The following LOXL3 variants were observed in gnomAD, a reference collection of about 807,000 sequenced individuals.
LOXL3 encodes lysyl oxidase like 3.
LOXL3 carries 60 observed loss-of-function variants against 91.8 expected under a neutral mutation model. The ratio of observed to expected loss-of-function variants is 0.65; its 90% CI spans 0.53 to 0.81. The LOEUF (loss-of-function observed/expected upper bound fraction) is 0.81. Ranked by LOEUF, LOXL3 falls within the 30% of genes least tolerant of loss-of-function variation. LOXL3 has a pLI of 0.00. For missense variants in LOXL3, 874 were observed against 1,000.4 expected, an observed-to-expected ratio of 0.87 and a Z score of 1.70; for synonymous variants, 355 against 387.6, an observed-to-expected ratio of 0.92 and a Z score of 0.99.
At chr2:74,551,875 C>T (rs574010449) in intron 2 of LOXL3, among the ~76,000 whole-genome samples, 1 of 152,250 alleles carries the variant, frequency 6.6e-6, no homozygotes, top group Non-Finnish European at 1.5e-5. Flanking sequence ...ACAGTACCAC[C>T]TTGTTAGTTT....
In LOXL3 at chr2:74,533,560, C is replaced by T. The variant is rs531771518; in HGVS notation, c.*46G>A. On this transcript the variant is annotated 3_prime_UTR_variant, in exon 14 of 14. Coordinates refer to ENST00000264094, the MANE Select transcript of LOXL3 (RefSeq NM_032603.5). ...CTCCTGAGGTAATGGCAGCCTCAGA[C>T]CCCTGCCATTAGGGGCCAGTGGTGG... The T allele has an allele frequency of 1.3e-6, 2 of 1,556,460 alleles. No homozygotes were observed. Among genetic ancestry groups the T allele is most frequent in the South Asian group, 2.2e-5 (2 of 89,322 alleles).
chr2:74,555,407 C>T (rs199739083), upstream of LOXL3: 14 of 1,611,398 alleles, frequency 8.7e-6, no homozygotes, highest in Non-Finnish European at 1.1e-5. The surrounding 1 kb of genome is among the most constrained non-coding windows in gnomAD (Gnocchi z 6.1). Context: ...GCCGACGCGC[C>T]GTCCAGTGCA....
rs1352260802 is a variant in LOXL3, at chr2:74,543,899, T to TA, written c.692+5469_692+5470insT. On this transcript the variant is annotated intron_variant, in intron 4 of 13. Coordinates refer to ENST00000264094, the MANE Select transcript of LOXL3 (RefSeq NM_032603.5). Reference sequence around the variant, plus strand: ...CTGGGTGACAAAGCAAGGCTCTGTCTCAAAAAAAAAAAAAAAAAAAAAAAG... The same window carrying TA: ...CTGGGTGACAAAGCAAGGCTCTGTCTACAAAAAAAAAAAAAAAAAAAAAAAG... Among the ~76,000 whole-genome samples the TA allele has an allele frequency of 5.4e-3, 265 of 49,244 alleles. 3 individuals are homozygous for TA. Among genetic ancestry groups the TA allele is most frequent in the Middle Eastern group, 0.017 (1 of 60 alleles). The allele number at this position is 49,244 out of a possible 152,430, so 32.3% of individuals were successfully genotyped here.
intron 4 of LOXL3, among the ~76,000 whole-genome samples, chr2:74,546,715 T>G (rs1005220989): frequency 7.9e-5 from 12 of 152,292 alleles, no homozygotes; most frequent in African/African-American, 2.9e-4. Flanking sequence ...CTTAATTTAT[T>G]TTTATTTTAT....
Position 74,549,789 on chromosome 2 carries a change from C to A in LOXL3, c.478-206G>T, listed in dbSNP as rs1369137829. The A allele has an allele frequency of 9.2e-6, 13 of 1,418,132 alleles. No homozygotes were observed. Among genetic ancestry groups the A allele is most frequent in the Non-Finnish European group, 1.2e-5 (13 of 1,089,814 alleles). The allele number at this position is 1,418,132 out of a possible 1,614,324, so 87.8% of individuals were successfully genotyped here. On this transcript the variant is annotated intron_variant, in intron 3 of 13. Transcript: ENST00000264094. The surrounding 1 kb of genome is among the most constrained non-coding windows in gnomAD (Gnocchi z 5.3). ...CAGCGCGTGGGATGTGCTGTGCTCC[C>A]AGAGAGGATTCAGGGCACTAGGAAG...
intron 4 of LOXL3, among the ~76,000 whole-genome samples, chr2:74,545,989 C>A (rs13405596): frequency 0.018 from 2,674 of 152,256 alleles, 60 homozygotes; most frequent in African/African-American, 0.048. Flanking sequence ...AAGCCCATCT[C>A]CCAACAAAAC....
chr2:74,550,352 T>G lies in LOXL3; in HGVS notation c.314-4A>C. ...AAGTTGTCCAGCCAGATGCGGCCTG[T>G]GGAAGGGGAGATGAAGGGACAGAGA... On this transcript the variant is annotated splice_polypyrimidine_tract_variant and splice_region_variant and intron_variant, in intron 2 of 13. Transcript: ENST00000264094. 6.2e-7 allele frequency: 1 copy of G among 1,611,864 alleles called. No individual in the cohort carries two copies. The highest frequency in any genetic ancestry group is 8.5e-7 in the Non-Finnish European group (1 of 1,178,980).
Position 74,534,533 on chromosome 2 carries a change from A to T in LOXL3, c.1821T>A (p.His607Gln). 6.2e-7 allele frequency: 1 copy of T among 1,613,996 alleles called. No homozygotes were observed. Among genetic ancestry groups the T allele is most frequent in the Non-Finnish European group, 8.5e-7 (1 of 1,179,938 alleles). The part of the protein sequence containing the change: ...GRHSWVWHEC[H>Q]GHYHSMDIFT... ...TACTTGACTCCCTACCCTCTCACCC[A>T]TGGCACTCGTGCCACACCCAGGAGT... The change falls in exon 10 of 14, where the codon CAT (histidine) becomes CAA (glutamine). Residue 607 changes from histidine (H) to glutamine (Q), a missense_variant and splice_region_variant. Transcript: ENST00000264094.
chr2:74,542,088 T>C (rs1432590457), intron 4 of LOXL3, among the ~76,000 whole-genome samples: 1 of 152,116 alleles, frequency 6.6e-6, no homozygotes, highest in Non-Finnish European at 1.5e-5. Context: ...AGCCCAGAAG[T>C]TTGAGACCAG....
chr2:74,538,945 G>A (rs562639775), intron 4 of LOXL3, among the ~76,000 whole-genome samples: 3 of 152,288 alleles, frequency 2.0e-5, no homozygotes, highest in Non-Finnish European at 4.4e-5. Flanking sequence ...CCAGTCTTGC[G>A]TAACACTTCA....
Position 74,533,430 on chromosome 2 carries a change from C to G in LOXL3, c.*176G>C. 1 of 609,080 alleles carries G rather than the reference C, an allele frequency of 1.6e-6. No individual in the cohort carries two copies. The highest frequency in any genetic ancestry group is 2.9e-6 in the Non-Finnish European group (1 of 343,836). 37.7% of individuals were successfully genotyped at this position (609,080 alleles called of 1,614,324 possible). A position where few individuals can be genotyped will look rare whatever the true frequency, so the allele number is the denominator to read the frequency against. ...AGATTCCCATGCTTGGCTACAGATA[C>G]TGACAGCTGGCCTCTGAAGGAGGGT... On this transcript the variant is annotated 3_prime_UTR_variant, in exon 14 of 14. Transcript: ENST00000264094.
At position 74,533,090 on chromosome 2, in the gene LOXL3, A is replaced by G; in HGVS notation, c.*516T>C. 1 of 1,055,242 alleles carries G rather than the reference A, an allele frequency of 9.5e-7. No individual in the cohort carries two copies. The highest frequency in any genetic ancestry group is 1.4e-6 in the Non-Finnish European group (1 of 692,122). 65.4% of individuals were successfully genotyped at this position (1,055,242 alleles called of 1,614,324 possible). ...GAGGGTTAAATGAACCAGTGGGGGCAGGTCCCTCCAACCACCAGCACTGAC... is the reference window on the plus strand; with the variant it reads ...GAGGGTTAAATGAACCAGTGGGGGCGGGTCCCTCCAACCACCAGCACTGAC... On this transcript the variant is annotated 3_prime_UTR_variant, in exon 14 of 14. Coordinates refer to ENST00000264094, the MANE Select transcript of LOXL3 (RefSeq NM_032603.5).
chr2:74,551,228 C>T (rs1364243811), intron 2 of LOXL3, among the ~76,000 whole-genome samples: 1 of 152,260 alleles, frequency 6.6e-6, no homozygotes, highest in Non-Finnish European at 1.5e-5. Context: ...GCCACTGAGC[C>T]CGGCCTGAAC....
chr2:74,536,702 C>T lies in LOXL3; in HGVS notation c.912+7G>A. 2.5e-6 allele frequency: 4 copies of T among 1,613,712 alleles called. No homozygotes were observed. Among genetic ancestry groups the T allele is most frequent in the Middle Eastern group, 1.6e-4 (1 of 6,062 alleles). Reference sequence around the variant, plus strand: ...GTGGGAAAGGTCATAATCACTGTCTCACACACCTCCCCCTGAGGCTTCGAC... The same window carrying T: ...GTGGGAAAGGTCATAATCACTGTCTTACACACCTCCCCCTGAGGCTTCGAC... On this transcript the variant is annotated splice_region_variant and intron_variant, in intron 5 of 13. Coordinates refer to ENST00000264094, the MANE Select transcript of LOXL3 (RefSeq NM_032603.5). The surrounding 1 kb of genome is among the most constrained non-coding windows in gnomAD (Gnocchi z 4.5).
intron 1 of LOXL3, among the ~76,000 whole-genome samples, chr2:74,553,433 T>C (rs1310840669): frequency 6.6e-6 from 1 of 152,032 alleles, no homozygotes; most frequent in Non-Finnish European, 1.5e-5. Context: ...TGGGGTAGGG[T>C]TGTCCCAGCC....
chr2:74,549,975 G>A lies in LOXL3; in HGVS notation c.477+210C>T, dbSNP rs536710352. On this transcript the variant is annotated intron_variant, in intron 3 of 13. Coordinates refer to ENST00000264094, the MANE Select transcript of LOXL3 (RefSeq NM_032603.5). The surrounding 1 kb of genome is among the most constrained non-coding windows in gnomAD (Gnocchi z 5.3). ...GGTGACTAGGGATGAAGCTGGAGAG[G>A]CTCATGCCAGGTTTAGCCCCTTGAA... is the stretch of plus-strand genomic sequence containing the variant. 1 of 985,452 alleles carries A rather than the reference G, an allele frequency of 1.0e-6. No homozygotes were observed. The highest frequency in any genetic ancestry group is 1.7e-5 in the African/African-American group (1 of 57,362). 61.0% of individuals were successfully genotyped at this position (985,452 alleles called of 1,614,324 possible).
chr2:74,536,420 CT>C lies in LOXL3; in HGVS notation c.963del (p.Val322SerfsTer2). On this transcript the variant is annotated frameshift_variant, in exon 6 of 14. Transcript: ENST00000264094. LOFTEE classifies it high-confidence loss of function. The surrounding 1 kb of genome is among the most constrained non-coding windows in gnomAD (Gnocchi z 4.5). ...GTGCCCCATGTGCTGGCCTTCAGGA[CT>C]TCTACCCGGCCCTCTCCAGGGTGGG... The part of the protein sequence containing the change: ...GGAHPGEGRV[E>X]VLKASTWGTV... The C allele has an allele frequency of 6.2e-7, 1 of 1,614,152 alleles. No homozygotes were observed. The highest frequency in any genetic ancestry group is 1.1e-5 in the South Asian group (1 of 91,084).
chr2:74,550,939 T>G (rs1225152661), intron 2 of LOXL3, among the ~76,000 whole-genome samples: 1 of 152,022 alleles, frequency 6.6e-6, no homozygotes, highest in Non-Finnish European at 1.5e-5. Context: ...AACCTGTTTT[T>G]TTTTTTTTTT....
upstream of LOXL3, chr2:74,554,806 G>C (rs372307156): frequency 4.3e-6 from 7 of 1,613,628 alleles, no homozygotes; most frequent in Middle Eastern, 1.6e-4. This position sits in a 1 kb window ranked among gnomAD's most constrained non-coding sequence, Gnocchi z 4.9. Flanking sequence ...TCAGCGCTTT[G>C]GGACCAAGGT....
Sources: gnomAD v4.1 joint callset for allele counts (sites outside exome capture counted in the v4.1 genomes callset) on GRCh38, gnomAD v4.1.1 for gene constraint, Gnocchi (gnomAD v3.1) non-coding constraint, MANE v1.5 for transcripts, NCBI Gene and HGNC (gene_info 2026-07-23, HGNC 2026-07-21) for gene names.